The following RBFOX3 variants were observed in gnomAD, a reference collection of about 807,000 sequenced individuals.
The protein encoded by RBFOX3 is RNA binding fox-1 homolog 3.
A neutral mutation model predicts 48.7 loss-of-function variants in RBFOX3; 17 were observed. The ratio of observed to expected loss-of-function variants is 0.35; its 90% CI spans 0.24 to 0.52. The LOEUF (loss-of-function observed/expected upper bound fraction) is 0.52, where lower values mean the gene tolerates loss of function less well. Among genes scored for constraint, RBFOX3 ranks in the 20% least tolerant of loss-of-function variants. The probability of loss-of-function intolerance (pLI) is 0.94; values close to 1 mark genes in which losing one functional copy is unlikely to be tolerated. For synonymous variants in RBFOX3, 212 were observed against 209.5 expected (o/e 1.01, Z -0.10); for missense variants, 382 against 497.5 (o/e 0.77, Z 2.21).
intron 3 of RBFOX3, among the ~76,000 whole-genome samples, chr17:79,282,372 G>A (rs1600398876): frequency 6.6e-6 from 1 of 152,380 alleles, no homozygotes; most frequent in East Asian, 1.9e-4. Context: ...GGGATTCGCT[G>A]ATGCATTTCC....
At chr17:79,189,769 A>C (rs963515323) in intron 4 of RBFOX3, among the ~76,000 whole-genome samples, 1 of 152,360 alleles carries the variant, frequency 6.6e-6, no homozygotes, top group East Asian at 1.9e-4. Flanking sequence ...AAGCCTGTGC[A>C]TGTGTGCCCT....
chr17:79,286,659 C>T lies in RBFOX3; in HGVS notation c.-74+21065G>A, dbSNP rs1490464262. Among the ~76,000 whole-genome samples, 6 of 152,180 alleles carry T rather than the reference C, an allele frequency of 3.9e-5. No individual in the cohort carries two copies. The East Asian group carries it at 1.2e-3, about 29-fold the overall frequency. ...CTGCATTTCACAAGCCTTTTGTTAA[C>T]CCCCTACTGGGCTGATTCCGTGACT... is the stretch of plus-strand genomic sequence containing the variant. On this transcript the variant is annotated intron_variant, in intron 3 of 14. Coordinates refer to ENST00000693108, the MANE Select transcript of RBFOX3 (RefSeq NM_001350451.2).
At chr17:79,122,682 A>G (rs1215988813) in intron 4 of RBFOX3, among the ~76,000 whole-genome samples, 2 of 147,012 alleles carry the variant, frequency 1.4e-5, no homozygotes, top group Non-Finnish European at 3.0e-5. Context: ...CTGCCGTAGG[A>G]TCCAGCAATC....
At chr17:79,608,953 C>G (rs1245811988) in intron 1 of RBFOX3, among the ~76,000 whole-genome samples, 1 of 151,914 alleles carries the variant, frequency 6.6e-6, no homozygotes, top group Non-Finnish European at 1.5e-5. Context: ...CCCACGCCCC[C>G]ACCCCGCCGG....
At chr17:79,294,419 T>G (rs1011381410) in intron 3 of RBFOX3, among the ~76,000 whole-genome samples, 3 of 152,176 alleles carry the variant, frequency 2.0e-5, no homozygotes, top group Non-Finnish European at 4.4e-5. Context: ...CAAGTCATTC[T>G]CTTGCCTCAG....
chr17:79,594,212 G>A (rs1236521211), intron 1 of RBFOX3, among the ~76,000 whole-genome samples: 2 of 152,260 alleles, frequency 1.3e-5, no homozygotes, highest in African/African-American at 4.8e-5. Flanking sequence ...CTGAGACGGT[G>A]CTAGAATGTT....
chr17:79,324,226 G>A (rs1385651510), intron 2 of RBFOX3, among the ~76,000 whole-genome samples: 1 of 152,200 alleles, frequency 6.6e-6, no homozygotes, highest in Non-Finnish European at 1.5e-5. Flanking sequence ...GAAGGAACTG[G>A]CTTTGGGGGC....
At chr17:79,585,246 A>C (rs2144923182) in intron 1 of RBFOX3, among the ~76,000 whole-genome samples, 1 of 152,242 alleles carries the variant, frequency 6.6e-6, no homozygotes, top group African/African-American at 2.4e-5. Flanking sequence ...CATTGGAATA[A>C]AAAAATTAAA....
chr17:79,132,172 C>T (rs1002315155), intron 4 of RBFOX3, among the ~76,000 whole-genome samples: 22 of 150,258 alleles, frequency 1.5e-4, no homozygotes, highest in African/African-American at 5.4e-4. Flanking sequence ...TCCCAGCTCC[C>T]AGGGTGAGGG....
At chr17:79,269,960 C>A (rs913487385) in intron 3 of RBFOX3, among the ~76,000 whole-genome samples, 1 of 152,262 alleles carries the variant, frequency 6.6e-6, no homozygotes, top group Admixed American at 6.5e-5. Context: ...GGGGTGGGGA[C>A]GCCACTGCTG....
intron 1 of RBFOX3, among the ~76,000 whole-genome samples, chr17:79,488,738 A>G (rs1283604983): frequency 2.0e-5 from 3 of 152,222 alleles, no homozygotes; most frequent in Non-Finnish European, 4.4e-5. Context: ...AGTGTCTTGG[A>G]TGTCACCTTC....
At chr17:79,462,125 A>T (rs143838013) in intron 2 of RBFOX3, among the ~76,000 whole-genome samples, 53 of 152,342 alleles carry the variant, frequency 3.5e-4, no homozygotes, top group Admixed American at 1.2e-3. Context: ...TCTCTCTAGA[A>T]CACAAGTTCT....
At chr17:79,288,856 TAG>T (rs142425018) in intron 3 of RBFOX3, among the ~76,000 whole-genome samples, 5,221 of 151,832 alleles carry the variant, frequency 0.034, 121 homozygotes, top group Non-Finnish European at 0.047. Flanking sequence ...TAGGGAGAAG[TAG>T]AGTGTTCTAG....
At chr17:79,369,305 T>C (rs1308622716) in intron 2 of RBFOX3, among the ~76,000 whole-genome samples, 1 of 151,956 alleles carries the variant, frequency 6.6e-6, no homozygotes, top group Non-Finnish European at 1.5e-5. Flanking sequence ...CACCGGAGTT[T>C]CTACCACAGT....
At chr17:79,104,578 G>GC (rs780250777) in intron 6 of RBFOX3, among the ~76,000 whole-genome samples, 4 of 152,204 alleles carry the variant, frequency 2.6e-5, no homozygotes, top group South Asian at 2.1e-4. Flanking sequence ...AGGCATGACT[G>GC]CCCCACCCCT....
intron 4 of RBFOX3, among the ~76,000 whole-genome samples, chr17:79,121,702 A>C (rs1205839360): frequency 1.3e-5 from 2 of 151,908 alleles, no homozygotes; most frequent in Admixed American, 6.6e-5. Context: ...AGTTGGTTCT[A>C]TTTTACTGGA....
intron 4 of RBFOX3, among the ~76,000 whole-genome samples, chr17:79,147,599 G>A (rs2144619693): frequency 6.6e-6 from 1 of 152,296 alleles, no homozygotes; most frequent in Non-Finnish European, 1.5e-5. Context: ...GGGGGCCATG[G>A]CTGTCCCCTG....
chr17:79,589,392 C>T (rs1350215849), intron 1 of RBFOX3, among the ~76,000 whole-genome samples: 2 of 152,120 alleles, frequency 1.3e-5, no homozygotes, highest in Non-Finnish European at 2.9e-5. Flanking sequence ...CTCCACATCA[C>T]CGTCCCCTGT....
intron 1 of RBFOX3, among the ~76,000 whole-genome samples, chr17:79,492,998 C>T (rs1441921016): frequency 1.3e-5 from 2 of 152,090 alleles, no homozygotes; most frequent in African/African-American, 4.8e-5. Flanking sequence ...ACAGAGATGC[C>T]TGAGGCTGGG....
Sources: gnomAD v4.1 joint callset for allele counts (sites outside exome capture counted in the v4.1 genomes callset) on GRCh38, gnomAD v4.1.1 for gene constraint, MANE v1.5 for transcripts, NCBI Gene and HGNC (gene_info 2026-07-23, HGNC 2026-07-21) for gene names.